Variants in POLR2F observed in about 807,000 individuals in gnomAD.
POLR2F encodes the protein DNA-directed RNA polymerases I, II, and III subunit RPABC2.
Under a neutral mutation model 22.7 loss-of-function variants are expected in POLR2F, and 12 were observed. That is an observed-to-expected ratio of 0.53 (90% CI 0.34 to 0.86). POLR2F has a LOEUF of 0.86. POLR2F is among the 40% of genes least tolerant of loss of function. The pLI, the probability that POLR2F is intolerant of heterozygous loss-of-function variation, is 0.02. For synonymous variants in POLR2F, 57 were observed against 66.0 expected (o/e 0.86, Z 0.66); for missense variants, 126 against 171.5 (o/e 0.73, Z 1.48).
chr22:38,010,938 C>T (rs757720670), intron 1 of POLR2F, among the ~76,000 whole-genome samples: 5 of 151,444 alleles, frequency 3.3e-5, no homozygotes, highest in African/African-American at 4.9e-5. Flanking sequence ...TTTTGAAGAG[C>T]GAAAGTTTTG....
At chr22:37,986,025 G>T (rs141591737), upstream of POLR2F, 3 of 382,102 alleles carry the variant, frequency 7.9e-6, no homozygotes, top group South Asian at 8.9e-5. This position sits in a 1 kb window ranked among gnomAD's most constrained non-coding sequence, Gnocchi z 4.7. Context: ...TCCTCCCCCC[G>T]CCTCCCTTCT....
At chr22:38,009,488 A>T (rs1013085148) in intron 1 of POLR2F, among the ~76,000 whole-genome samples, 1 of 152,142 alleles carries the variant, frequency 6.6e-6, no homozygotes, top group Non-Finnish European at 1.5e-5. Context: ...TTCCTTTTTT[A>T]AAATTACGTT....
chr22:37,984,223 C>T, upstream of POLR2F: 1 of 156,542 alleles, frequency 6.4e-6, no homozygotes, highest in Non-Finnish European at 1.4e-5. The surrounding 1 kb of genome is among the most constrained non-coding windows in gnomAD (Gnocchi z 4.4). Context: ...TCAGCCTGCC[C>T]CAACGGGGTT....
chr22:37,968,101 C>T lies in POLR2F; in HGVS notation c.*386C>T, dbSNP rs1601873883. On this transcript the variant is annotated 3_prime_UTR_variant, in exon 5 of 5. Coordinates refer to ENST00000442738, the MANE Select transcript of POLR2F (RefSeq NM_021974.5). The stretch of plus-strand genomic sequence containing the variant: ...TTTCCTTTCCAGTGGGGACTGGCTG[C>T]AGGGGCTTCTCCCTTCTCAGGAGTA... 2 of 997,880 alleles carry T rather than the reference C, an allele frequency of 2.0e-6. No individual in the cohort carries two copies. Among genetic ancestry groups the T allele is most frequent in the African/African-American group, 3.5e-5 (2 of 57,478 alleles). The allele number at this position is 997,880 out of a possible 1,614,324, so 61.8% of individuals were successfully genotyped here. A position where few individuals can be genotyped will look rare whatever the true frequency, so the allele number is the denominator to read the frequency against.
chr22:37,973,416 A>T (rs1373653327), downstream of POLR2F: 2 of 941,104 alleles, frequency 2.1e-6, no homozygotes, highest in Non-Finnish European at 3.1e-6. Context: ...TGCCACCACC[A>T]GGCCTGAGGT....
rs1229268327 is a variant in POLR2F, at chr22:37,967,104, G to T, written c.227G>T (p.Cys76Phe). 5.6e-6 allele frequency: 9 copies of T among 1,611,770 alleles called. No homozygotes were observed. The highest frequency in any genetic ancestry group is 7.6e-6 in the Non-Finnish European group (9 of 1,178,370). The part of the protein sequence containing the change: ...LGTRALQIAM[C>F]APVMVELEGE... The stretch of plus-strand genomic sequence containing the variant: ...ACCTGTCCCTATCCCTACAGGATGT[G>T]TGCCCCTGTGATGGTGGAGCTGGAG... Residue 76 changes from cysteine to phenylalanine, a missense_variant, in exon 4 of 5, where the codon TGT becomes TTT. By Grantham distance (205) the Cys-to-Phe change is radical. Transcript: ENST00000442738.
chr22:37,969,146 G>T lies in POLR2F; in HGVS notation c.*1431G>T. 1 of 985,326 alleles carries T rather than the reference G, an allele frequency of 1.0e-6. No individual in the cohort carries two copies. The highest frequency in any genetic ancestry group is 1.2e-6 in the Non-Finnish European group (1 of 829,858). The allele number at this position is 985,326 out of a possible 1,614,324, so 61.0% of individuals were successfully genotyped here. A position where few individuals can be genotyped will look rare whatever the true frequency, so the allele number is the denominator to read the frequency against. On this transcript the variant is annotated 3_prime_UTR_variant, in exon 5 of 5. Coordinates refer to ENST00000442738, the MANE Select transcript of POLR2F (RefSeq NM_021974.5). ...ATGGGGTTTGGGCTGGGGAGGAGGG[G>T]AATTGGGGGTTAACCCTTAGGGGAT... is the stretch of plus-strand genomic sequence containing the variant.
In POLR2F at chr22:38,016,675, C is replaced by A. The variant is rs1367927083; in HGVS notation, c.121-9194C>A. 2.6e-5 allele frequency among the ~76,000 whole-genome samples: 4 copies of A among 151,566 alleles called. No individual in the cohort carries two copies. The highest frequency in any genetic ancestry group is 9.7e-5 in the African/African-American group (4 of 41,268). On this transcript the variant is annotated intron_variant, in intron 1 of 2. Coordinates refer to the POLR2F transcript ENST00000333418. This position sits in a 1 kb window ranked among gnomAD's most constrained non-coding sequence, Gnocchi z 4.4. ...TGGTTCCTCTTGTTTATGAGCAGGGCTCCTTTGGCAGCGGTTCCAGCCCTG... is the reference window on the plus strand; with the variant it reads ...TGGTTCCTCTTGTTTATGAGCAGGGATCCTTTGGCAGCGGTTCCAGCCCTG...
At position 37,953,711 on chromosome 22, in the gene POLR2F, G is replaced by A; in HGVS notation, c.-77G>A. The A allele has an allele frequency of 6.5e-7, 1 of 1,542,146 alleles. No individual in the cohort carries two copies. Among genetic ancestry groups the A allele is most frequent in the Non-Finnish European group, 8.8e-7 (1 of 1,139,718 alleles). ...GCAGGCGCAAGATAAGCTAGGAGCC[G>A]CGCGAGTCGTAGTGTCGCTGTTTGC... is the stretch of plus-strand genomic sequence containing the variant. On this transcript the variant is annotated 5_prime_UTR_variant, in exon 1 of 5. Transcript: ENST00000442738.
chr22:37,982,065 C>T (rs894114053), upstream of POLR2F, among the ~76,000 whole-genome samples: 13 of 152,218 alleles, frequency 8.5e-5, no homozygotes, highest in Non-Finnish European at 1.8e-4. Flanking sequence ...GGAAGAGAGC[C>T]GGGCTCCTCT....
chr22:38,024,703 G>A (rs577782144), intron 1 of POLR2F, among the ~76,000 whole-genome samples: 25 of 152,208 alleles, frequency 1.6e-4, no homozygotes, highest in African/African-American at 5.5e-4. Context: ...AGGGAAGGTG[G>A]TGCATCTGAG....
downstream of POLR2F, chr22:37,973,168 C>T (rs1473316530): frequency 4.5e-5 from 14 of 311,244 alleles, no homozygotes; most frequent in Middle Eastern, 8.9e-4. Context: ...TTCCCCTCCC[C>T]GAGGAGGGTG....
At position 37,978,058 on chromosome 22, in the gene POLR2F, G is replaced by A. The variant is rs2145768498; in HGVS notation, c.293+10888G>A. ...CCGCCTGGGCTGGTACTTGTAGTCC[G>A]GGTGGTCTTTCTTGTGCTGCATACG... On this transcript the variant is annotated intron_variant, in intron 4 of 4. Transcript: ENST00000405557. This position sits in a 1 kb window ranked among gnomAD's most constrained non-coding sequence, Gnocchi z 5.0. 1 of 1,610,038 alleles carries A rather than the reference G, an allele frequency of 6.2e-7. No homozygotes were observed.
At chr22:38,001,202 A>T (rs2145798927) in intron 1 of POLR2F, among the ~76,000 whole-genome samples, 1 of 152,330 alleles carries the variant, frequency 6.6e-6, no homozygotes, top group South Asian at 2.1e-4. Flanking sequence ...AATCTGTAAA[A>T]CAGGGATAAT....
rs1213151804 is a variant in POLR2F, at chr22:38,017,269, T to C, written c.121-8600T>C. Among the ~76,000 whole-genome samples, 2 of 152,046 alleles carry C rather than the reference T, an allele frequency of 1.3e-5. No homozygotes were observed. The highest frequency in any genetic ancestry group is 4.8e-5 in the African/African-American group (2 of 41,424). On this transcript the variant is annotated intron_variant, in intron 1 of 2. Coordinates refer to the POLR2F transcript ENST00000333418. The surrounding 1 kb of genome is among the most constrained non-coding windows in gnomAD (Gnocchi z 4.1). ...CGTGCCCTTCCTAGTCCTGGGTCTG[T>C]GCGTCTGAGCCTCGGGTGGAATAGG...
intron 1 of POLR2F, among the ~76,000 whole-genome samples, chr22:38,002,973 C>T (rs139417008): frequency 0.015 from 2,249 of 152,232 alleles, 31 homozygotes; most frequent in Middle Eastern, 0.068. Context: ...GATCTGCTTG[C>T]CTCGGCCTCT....
intron 4 of POLR2F, chr22:37,977,831 C>T: frequency 6.3e-7 from 1 of 1,590,498 alleles, no homozygotes; most frequent in Non-Finnish European, 8.6e-7. Flanking sequence ...CACTGACTGG[C>T]CTTGCCCCAC....
chr22:37,972,261 G>C (rs539986431), downstream of POLR2F: 2,282 of 1,301,796 alleles, frequency 1.8e-3, 7 homozygotes, highest in South Asian at 2.2e-3. Flanking sequence ...GGAAGCACCA[G>C]TACAGGGATA....
intron 1 of POLR2F, among the ~76,000 whole-genome samples, chr22:37,999,151 C>A (rs1233554599): frequency 6.6e-6 from 1 of 152,140 alleles, no homozygotes; most frequent in Admixed American, 6.5e-5. Flanking sequence ...CTGCCCCCAT[C>A]TTTGCTGAGA....
Sources: gnomAD v4.1 joint callset for allele counts (sites outside exome capture counted in the v4.1 genomes callset) on GRCh38, gnomAD v4.1.1 for gene constraint, Gnocchi (gnomAD v3.1) non-coding constraint, MANE v1.5 for transcripts, NCBI Gene and HGNC (gene_info 2026-07-23, HGNC 2026-07-21) for gene names.